CEACAM4: variants seen among roughly 807,000 people sequenced by gnomAD.
CEACAM4 encodes the protein cell adhesion molecule CEACAM4.
A neutral mutation model predicts 28.7 loss-of-function variants in CEACAM4; 30 were observed. The observed-to-expected ratio is 1.05, with a 90% CI of 0.78 to 1.42. The LOEUF (loss-of-function observed/expected upper bound fraction) is 1.42. Among genes scored for constraint, CEACAM4 ranks in the 40% most tolerant of loss-of-function variants. The pLI is 0.00. For synonymous variants in CEACAM4, 143 were observed against 126.5 expected, an observed-to-expected ratio of 1.13 and a Z score of -0.87; for missense variants, 330 against 308.2, an observed-to-expected ratio of 1.07 and a Z score of -0.53.
downstream of CEACAM4, among the ~76,000 whole-genome samples, chr19:41,616,605 G>A (rs2070988129): frequency 6.6e-6 from 1 of 152,044 alleles, no homozygotes; most frequent in Admixed American, 6.6e-5. Flanking sequence ...CCTATGGAAA[G>A]AACAAGCAGA....
intron 3 of CEACAM4, 46 bp from the exon 4 acceptor site, chr19:41,620,673 A>T (rs373534984): frequency 1.3e-6 from 2 of 1,504,604 alleles, no homozygotes; most frequent in Admixed American, 3.4e-5. Flanking sequence ...GAGAAATCAC[A>T]GGTTTAGGGG....
Position 41,627,002 on chromosome 19 carries a change from G to A in CEACAM4, c.-39C>T. On this transcript the variant is annotated 5_prime_UTR_variant, in exon 1 of 7. Transcript: ENST00000221954. ...TGCTTGTCCTCTGTGGAGAGGAGCTGGGCTCCAGGAACGCTCTTGTCAGAG... is the reference window on the plus strand; with the variant it reads ...TGCTTGTCCTCTGTGGAGAGGAGCTAGGCTCCAGGAACGCTCTTGTCAGAG... 2 of 1,547,798 alleles carry A rather than the reference G, an allele frequency of 1.3e-6. No individual in the cohort carries two copies. The highest frequency in any genetic ancestry group is 2.3e-5 in the South Asian group (2 of 86,282).
chr19:41,618,268 GCACCT>G (rs1464332808), downstream of CEACAM4, among the ~76,000 whole-genome samples: 2 of 152,168 alleles, frequency 1.3e-5, no homozygotes, highest in African/African-American at 2.4e-5. Context: ...GGGGAGTCCT[GCACCT>G]CTGACCTGGA....
chr19:41,618,609 G>A (rs1473548672), downstream of CEACAM4, among the ~76,000 whole-genome samples: 1 of 152,174 alleles, frequency 6.6e-6, no homozygotes, highest in Non-Finnish European at 1.5e-5. Flanking sequence ...GCAGGGGTCA[G>A]GACACTGGAG....
At chr19:41,615,509 C>T (rs1473907585), downstream of CEACAM4, among the ~76,000 whole-genome samples, 1 of 152,100 alleles carries the variant, frequency 6.6e-6, no homozygotes, top group Non-Finnish European at 1.5e-5. Context: ...ATGTACATGG[C>T]ATGGACCCAG....
chr19:41,625,655 T>C lies in CEACAM4; in HGVS notation c.370A>G (p.Thr124Ala), dbSNP rs1555803527. 3 of 1,606,282 alleles carry C rather than the reference T, an allele frequency of 1.9e-6. No homozygotes were observed. The highest frequency in any genetic ancestry group is 1.3e-5 in the African/African-American group (1 of 74,776). The change falls in exon 2 of 7, where the codon ACC (threonine) becomes GCC (alanine). Residue 124 changes from threonine to alanine, a missense_variant. By Grantham distance (58) the Thr-to-Ala change is moderately conservative. Transcript: ENST00000221954. ...LEDAGSYTLR[T>A]INASYDSDQA... is the part of the protein sequence containing the mutation. Reference sequence around the variant, plus strand: ...TCAGAGTCGTAACTGGCATTTATGGTTCGTAGGGTGTAGGATCCTGCGTCC... The same window carrying C: ...TCAGAGTCGTAACTGGCATTTATGGCTCGTAGGGTGTAGGATCCTGCGTCC...
intron 4 of CEACAM4, 63 bp from the exon 5 acceptor site, chr19:41,620,305 G>A (rs1468076943): frequency 3.0e-6 from 4 of 1,330,866 alleles, no homozygotes; most frequent in Non-Finnish European, 4.0e-6. Context: ...TCCTGCAGGA[G>A]AGTGTAGGGG....
chr19:41,625,565 A>G, intron 2 of CEACAM4, 36 bp downstream of exon 2: 1 of 1,544,092 alleles, frequency 6.5e-7, no homozygotes. Context: ...AGCAGAACTG[A>G]CCGCCAGCAC....
At chr19:41,613,881 G>T in the CEACAM4 span, among the ~76,000 whole-genome samples, 1 of 152,176 alleles carries the variant, frequency 6.6e-6, no homozygotes, top group Non-Finnish European at 1.5e-5. Context: ...CCCTGCTTCT[G>T]GTATGAGAAA....
rs1555803457 is a variant in CEACAM4, at chr19:41,625,594, C to T, written c.424+7G>A. On this transcript the variant is annotated splice_region_variant and intron_variant, in intron 2 of 6. Transcript: ENST00000221954. ...CCAGCACCCAGAGGTATGGGGGAAT[C>T]ACTCACGGTGTACGTGGAGCTGGCC... 3.8e-6 allele frequency: 6 copies of T among 1,560,194 alleles called. No homozygotes were observed. The highest frequency in any genetic ancestry group is 3.5e-6 in the Non-Finnish European group (4 of 1,152,016).
At position 41,625,923 on chromosome 19, in the gene CEACAM4, G is replaced by A; in HGVS notation, c.102C>T (p.Val34=). Residue 34 remains valine, a synonymous_variant, in exon 2 of 7, where the codon GTC becomes GTT. Coordinates refer to ENST00000221954, the MANE Select transcript of CEACAM4 (RefSeq NM_001817.4). ...ACGGCAGGGCTTCAATAGTGAACTG[G>A]ACAGTGGTGGGCGGGTGCCAGAAGG... ...LLTFWHPPTT[V]QFTIEALPSS... The A allele has an allele frequency of 4.3e-6, 7 of 1,613,628 alleles. No individual in the cohort carries two copies. The highest frequency in any genetic ancestry group is 2.2e-5 in the South Asian group (2 of 91,056).
rs781863239 is a variant in CEACAM4 at position 41,625,646 on chromosome 19, C to T, written c.379G>A (p.Ala127Thr). The part of the protein sequence containing the change: ...AGSYTLRTIN[A>T]SYDSDQATGQ... ...GTTGCTTGGTCAGAGTCGTAACTGG[C>T]ATTTATGGTTCGTAGGGTGTAGGAT... The change falls in exon 2 of 7, where the codon GCC becomes ACC. Residue 127 changes from alanine (A) to threonine (T), a missense_variant. Physicochemically the swap from Ala to Thr is moderately conservative, Grantham distance 58 (BLOSUM62 0). Transcript: ENST00000221954. 3 of 1,600,506 alleles carry T rather than the reference C, an allele frequency of 1.9e-6. No individual in the cohort carries two copies. Among genetic ancestry groups the T allele is most frequent in the East Asian group, 2.2e-5 (1 of 44,750 alleles).
Position 41,619,334 on chromosome 19 carries a change from G to A in CEACAM4, c.731C>T (p.Ser244Phe), listed in dbSNP as rs1555800011. 1.9e-6 allele frequency: 3 copies of A among 1,613,668 alleles called. No homozygotes were observed. Among genetic ancestry groups the A allele is most frequent in the African/African-American group, 1.3e-5 (1 of 75,024 alleles). The stretch of plus-strand genomic sequence containing the variant: ...AAGAGCAGCTCCCAGAGGAACCTAA[G>A]AGACCACATCTGCTTTGTGGTCGAT... Reference protein sequence around the residue: ...CQIDHKADVVS With the variant: ...CQIDHKADVVF Residue 244 changes from serine to phenylalanine, a missense_variant, in exon 7 of 7, where the codon TCT becomes TTT. Transcript: ENST00000221954.
intron 5 of CEACAM4, 85 bp downstream of exon 5, chr19:41,620,126 G>C: frequency 1.6e-6 from 2 of 1,239,870 alleles, no homozygotes; most frequent in Admixed American, 2.9e-5. Flanking sequence ...GGTCAGTGCT[G>C]TGCTGTGGGG....
chr19:41,624,293 G>A lies in CEACAM4; in HGVS notation c.424+1308C>T, dbSNP rs71358986. 1.0e-3 allele frequency among the ~76,000 whole-genome samples: 159 copies of A among 152,276 alleles called. 1 individual carries two copies. Among genetic ancestry groups the A allele is most frequent in the Admixed American group, 1.8e-3 (28 of 15,300 alleles). ...TTCATGAGAGAACTACGGAGTATGTGTCTCACACTGGGCCCTGGCTGGTGC... is the reference window on the plus strand; with the variant it reads ...TTCATGAGAGAACTACGGAGTATGTATCTCACACTGGGCCCTGGCTGGTGC... On this transcript the variant is annotated intron_variant, in intron 2 of 6. Transcript: ENST00000221954.
chr19:41,621,596 T>C, intron 3 of CEACAM4, 55 bp downstream of exon 3: 1 of 975,878 alleles, frequency 1.0e-6, no homozygotes, highest in South Asian at 1.4e-5. Flanking sequence ...GTCTCCCTCC[T>C]CCCTGACTGG....
chr19:41,621,547 G>A, intron 3 of CEACAM4, 104 bp downstream of exon 3: 1 of 637,754 alleles, frequency 1.6e-6, no homozygotes, highest in East Asian at 2.7e-5. Context: ...AGGATTCCTT[G>A]GGAGGATGCG....
rs782547752 is a variant in CEACAM4 at position 41,619,683 on chromosome 19, G to A, written c.656C>T (p.Thr219Ile). ...SAPLPSPRTA[T>I]PIYEELLYSD... ...GCCCACACTCACCTCATAGATGGGAGTGGCTGTTCTGGGGCTGGGTAGAGG... is the reference window on the plus strand; with the variant it reads ...GCCCACACTCACCTCATAGATGGGAATGGCTGTTCTGGGGCTGGGTAGAGG... Residue 219 changes from threonine (T) to isoleucine (I), a missense_variant, in exon 6 of 7, where the codon ACT becomes ATT. By Grantham distance (89) the Thr-to-Ile change is moderately conservative. Coordinates refer to ENST00000221954, the MANE Select transcript of CEACAM4 (RefSeq NM_001817.4). 6.3e-7 allele frequency: 1 copy of A among 1,594,374 alleles called. No homozygotes were observed. Among genetic ancestry groups the A allele is most frequent in the South Asian group, 1.1e-5 (1 of 87,910 alleles).
downstream of CEACAM4, among the ~76,000 whole-genome samples, chr19:41,616,407 C>T (rs1223226219): frequency 1.3e-5 from 2 of 151,986 alleles, no homozygotes; most frequent in African/African-American, 4.8e-5. Context: ...CACATCTCAT[C>T]CTGTTGCATT....
Sources: allele counts gnomAD v4.1 joint callset (sites outside exome capture counted in the v4.1 genomes callset), GRCh38; gene constraint gnomAD v4.1.1; transcripts MANE v1.5; gene names NCBI Gene and HGNC (gene_info 2026-07-23, HGNC 2026-07-21).